The following PLOD2 variants were observed in gnomAD, a reference collection of about 807,000 sequenced individuals.
PLOD2 encodes procollagen-lysine,2-oxoglutarate 5-dioxygenase 2, also known as lysine hydroxylase 2.
In PLOD2, 65 loss-of-function variants were observed where a neutral mutation model predicts 101.0. That is an observed-to-expected ratio of 0.64 (90% confidence interval 0.53 to 0.79). PLOD2 has a LOEUF of 0.79. Ranked by LOEUF, PLOD2 falls within the 30% of genes least tolerant of loss-of-function variation. The pLI is 0.00. For missense variants in PLOD2, 909 were observed against 914.6 expected (o/e 0.99, Z 0.08); for synonymous variants, 314 against 302.9 (o/e 1.04, Z -0.38).
intron 5 of PLOD2, among the ~76,000 whole-genome samples, chr3:146,105,986 AT>A (rs2108060855): frequency 6.6e-6 from 1 of 152,366 alleles, no homozygotes; most frequent in African/African-American, 2.4e-5. Context: ...AAGAATACAC[AT>A]TTCTAATGCT....
chr3:146,142,087 G>A (rs184399375), intron 1 of PLOD2, among the ~76,000 whole-genome samples: 5 of 152,134 alleles, frequency 3.3e-5, no homozygotes, highest in African/African-American at 9.6e-5. Flanking sequence ...GTAACCAAAT[G>A]TTCCTGTCAG....
At chr3:146,140,693 T>C (rs899140980) in intron 1 of PLOD2, among the ~76,000 whole-genome samples, 6 of 152,146 alleles carry the variant, frequency 3.9e-5, no homozygotes, top group African/African-American at 1.4e-4. Flanking sequence ...CCATGGTGCC[T>C]TTCAACTTTC....
chr3:146,123,320 T>C, intron 2 of PLOD2: 1 of 1,132,890 alleles, frequency 8.8e-7, no homozygotes, highest in Non-Finnish European at 1.1e-6. Flanking sequence ...TGACAGATCC[T>C]TCTTTCTATT....
chr3:146,121,032 C>T (rs1004077687), intron 3 of PLOD2, 80 bp downstream of exon 3: 41 of 1,159,316 alleles, frequency 3.5e-5, no homozygotes, highest in Middle Eastern at 1.9e-4. Context: ...TATTTTAATA[C>T]ATCATCTACA....
chr3:146,120,886 T>C (rs968921979), intron 3 of PLOD2, among the ~76,000 whole-genome samples: 1 of 152,046 alleles, frequency 6.6e-6, no homozygotes, highest in African/African-American at 2.4e-5. Flanking sequence ...CACGCCCGGC[T>C]AATTTTTTGT....
chr3:146,145,221 T>C (rs2031721539), intron 1 of PLOD2, among the ~76,000 whole-genome samples: 1 of 152,132 alleles, frequency 6.6e-6, no homozygotes, highest in African/African-American at 2.4e-5. Flanking sequence ...TAAAAGCAAA[T>C]GTTTTTAGCT....
At chr3:146,117,956 G>A (rs915688703) in intron 3 of PLOD2, among the ~76,000 whole-genome samples, 5 of 151,990 alleles carry the variant, frequency 3.3e-5, no homozygotes, top group Non-Finnish European at 7.4e-5. Flanking sequence ...GGGGGATGGT[G>A]ATGCGAGAGT....
At chr3:146,140,294 T>C (rs1316124621) in intron 1 of PLOD2, among the ~76,000 whole-genome samples, 2 of 152,070 alleles carry the variant, frequency 1.3e-5, no homozygotes, top group Non-Finnish European at 2.9e-5. Context: ...AAGATGCCTC[T>C]ACATTACAGA....
At chr3:146,106,735 G>A in intron 4 of PLOD2, 91 bp from the exon 5 acceptor site, 1 of 773,966 alleles carries the variant, frequency 1.3e-6, no homozygotes, top group Middle Eastern at 2.3e-4. Context: ...GAACAGAGTT[G>A]TGAAGTCATG....
intron 15 of PLOD2, among the ~76,000 whole-genome samples, chr3:146,074,591 T>C (rs886611266): frequency 6.6e-6 from 1 of 151,472 alleles, no homozygotes; most frequent in Non-Finnish European, 1.5e-5. Context: ...CCTCTAATAT[T>C]AATTAGCTTT....
chr3:146,078,951 A>C (rs1166836109), intron 13 of PLOD2, among the ~76,000 whole-genome samples, 165 bp downstream of exon 13: 2 of 151,952 alleles, frequency 1.3e-5, no homozygotes, highest in Admixed American at 6.6e-5. Context: ...GTAAATGTTA[A>C]ATTATCTCCA....
rs772298692 is a variant in PLOD2, at chr3:146,070,770, G to C, written c.2224C>G (p.Leu742Val). The C allele has an allele frequency of 5.6e-6, 9 of 1,609,164 alleles. No homozygotes were observed. The African/African-American group carries it at 9.4e-5, about 17-fold the overall frequency. The change falls in exon 20 of 20, where the codon CTT becomes GTT. Residue 742 changes from leucine to valine, a missense_variant. Leu to Val is a conservative substitution (Grantham distance 32). Transcript: ENST00000282903. ...PGRLTHLHEG[L>V]PVKNGTRYIA... ...TATCTTGTTCCATTTTTAACAGGAA[G>C]TCCTTCATGCAAATGTGTGAGTCTC... is the stretch of plus-strand genomic sequence containing the variant.
chr3:146,097,696 G>A (rs1180069433), intron 7 of PLOD2, among the ~76,000 whole-genome samples: 3 of 128,190 alleles, frequency 2.3e-5, no homozygotes, highest in African/African-American at 8.9e-5. Flanking sequence ...AGGAAAACCA[G>A]AGACCTTTGT....
chr3:146,149,438 C>T (rs1576630123), intron 1 of PLOD2, among the ~76,000 whole-genome samples: 1 of 151,854 alleles, frequency 6.6e-6, no homozygotes, highest in African/African-American at 2.4e-5. Context: ...TATCTTTTAT[C>T]TCAACATGAA....
At chr3:146,096,964 C>T (rs1486192250) in intron 7 of PLOD2, among the ~76,000 whole-genome samples, 1 of 144,684 alleles carries the variant, frequency 6.9e-6, no homozygotes, top group Admixed American at 6.7e-5. Context: ...GTGAGGACCC[C>T]TCTGCCCGGC....
At chr3:146,150,022 A>C (rs890104417) in intron 1 of PLOD2, among the ~76,000 whole-genome samples, 2 of 152,150 alleles carry the variant, frequency 1.3e-5, no homozygotes, top group Non-Finnish European at 2.9e-5. Flanking sequence ...AAAGATGCAA[A>C]CACATGTAGA....
intron 9 of PLOD2, among the ~76,000 whole-genome samples, chr3:146,087,481 A>G (rs1445045302): frequency 6.6e-6 from 1 of 151,942 alleles, no homozygotes; most frequent in Non-Finnish European, 1.5e-5. Context: ...TTAATGGGAA[A>G]ACCATCAACA....
chr3:146,114,852 C>T (rs1937828326), intron 3 of PLOD2, among the ~76,000 whole-genome samples: 1 of 152,140 alleles, frequency 6.6e-6, no homozygotes, highest in African/African-American at 2.4e-5. Context: ...CCCTGCAGGC[C>T]TAGAGACGCA....
intron 7 of PLOD2, among the ~76,000 whole-genome samples, chr3:146,092,552 G>A (rs1937010926): frequency 6.6e-6 from 1 of 152,058 alleles, no homozygotes; most frequent in Admixed American, 6.6e-5. Context: ...CCTAGTGACA[G>A]TAAGCTAAAG....
Sources: allele counts gnomAD v4.1 joint callset (sites outside exome capture counted in the v4.1 genomes callset), GRCh38; gene constraint gnomAD v4.1.1; transcripts MANE v1.5; gene names NCBI Gene and HGNC (gene_info 2026-07-23, HGNC 2026-07-21).